Variants in LARGE1 observed in about 807,000 individuals in gnomAD.
LARGE1 encodes LARGE xylosyl- and glucuronyltransferase 1.
Under a neutral mutation model 87.6 loss-of-function variants are expected in LARGE1, and 43 were observed. That is an observed-to-expected ratio of 0.49 (90% CI 0.38 to 0.63). The LOEUF is 0.63. Ranked by LOEUF, LARGE1 falls within the 30% of genes least tolerant of loss-of-function variation. LARGE1 has a pLI of 0.00. For synonymous variants in LARGE1, 434 were observed against 394.6 expected (o/e 1.10, Z -1.18); for missense variants, 802 against 1,000.2 (o/e 0.80, Z 2.67).
At chr22:33,548,661 T>C (rs1972209) in intron 6 of LARGE1, among the ~76,000 whole-genome samples, 110,771 of 152,102 alleles carry the variant, frequency 0.73, 41,854 homozygotes, top group African/African-American at 0.94. Flanking sequence ...GTGATCCGCC[T>C]GTCTCAGCCT....
At chr22:33,578,813 T>C (rs1383148022) in intron 5 of LARGE1, among the ~76,000 whole-genome samples, 1 of 152,222 alleles carries the variant, frequency 6.6e-6, no homozygotes, top group African/African-American at 2.4e-5. Context: ...AAATTAATTG[T>C]ACTCAGAAAT....
chr22:33,626,392 A>T (rs757768862), intron 3 of LARGE1, 66 bp from the exon 4 acceptor site: 34 of 1,240,712 alleles, frequency 2.7e-5, no homozygotes, highest in Non-Finnish European at 3.7e-5. Context: ...GGTGCTTCAG[A>T]TCACACTAGA....
intron 1 of LARGE1, among the ~76,000 whole-genome samples, chr22:33,873,637 A>G (rs751043340): frequency 1.2e-4 from 18 of 152,060 alleles, no homozygotes; most frequent in Admixed American, 3.3e-4. Context: ...GGGTCCAACA[A>G]CGTGCCTCTG....
intron 1 of LARGE1, among the ~76,000 whole-genome samples, chr22:33,901,518 C>T (rs1278351258): frequency 6.6e-6 from 1 of 152,104 alleles, no homozygotes; most frequent in East Asian, 1.9e-4. Flanking sequence ...AGACAATCCC[C>T]TAATTAGTTG....
chr22:33,719,841 G>A (rs2083040045), intron 2 of LARGE1, among the ~76,000 whole-genome samples: 1 of 151,906 alleles, frequency 6.6e-6, no homozygotes, highest in African/African-American at 2.4e-5. Flanking sequence ...TATTTTTACT[G>A]TACCTTTTCC....
At chr22:33,804,133 AT>A (rs2086243047) in intron 1 of LARGE1, among the ~76,000 whole-genome samples, 1 of 152,212 alleles carries the variant, frequency 6.6e-6, no homozygotes, top group Non-Finnish European at 1.5e-5. Context: ...CCTGACTGCC[AT>A]CCTTAGAAAG....
At chr22:33,401,927 C>T (rs747841099) in intron 7 of LARGE1, among the ~76,000 whole-genome samples, 1 of 152,208 alleles carries the variant, frequency 6.6e-6, no homozygotes, top group African/African-American at 2.4e-5. Flanking sequence ...TGGCTAGTCC[C>T]TGGGTGCCCC....
At chr22:33,463,272 G>A (rs989736128) in intron 6 of LARGE1, among the ~76,000 whole-genome samples, 3 of 150,322 alleles carry the variant, frequency 2.0e-5, no homozygotes, top group Non-Finnish European at 4.4e-5. Flanking sequence ...ATAAAAAGAG[G>A]GAAGAAGACA....
intron 2 of LARGE1, among the ~76,000 whole-genome samples, chr22:33,716,519 C>A (rs2082911618): frequency 6.6e-6 from 1 of 152,200 alleles, no homozygotes; most frequent in Non-Finnish European, 1.5e-5. Flanking sequence ...CCTTCTACCT[C>A]CTGAGTAGCT....
At chr22:33,914,744 C>G (rs2065733756) in intron 1 of LARGE1, among the ~76,000 whole-genome samples, 5 of 152,146 alleles carry the variant, frequency 3.3e-5, no homozygotes, top group Admixed American at 3.3e-4. Context: ...CTAAAGAGTG[C>G]TCAGTGTAGA....
intron 2 of LARGE1, among the ~76,000 whole-genome samples, chr22:33,697,065 G>A (rs1284938970): frequency 6.6e-6 from 1 of 152,074 alleles, no homozygotes; most frequent in East Asian, 1.9e-4. Context: ...CCACCAAGCA[G>A]ACACACCTGC....
intron 6 of LARGE1, among the ~76,000 whole-genome samples, chr22:33,510,396 A>T (rs1054988756): frequency 3.3e-5 from 5 of 152,176 alleles, no homozygotes; most frequent in African/African-American, 9.7e-5. Flanking sequence ...ACCTCTAACA[A>T]TTGGCTTGTG....
intron 6 of LARGE1, among the ~76,000 whole-genome samples, chr22:33,540,063 G>A (rs2077150346): frequency 1.3e-5 from 2 of 152,062 alleles, no homozygotes; most frequent in African/African-American, 4.8e-5. Context: ...ACCCTGTGGA[G>A]GCCTGCAAAA....
chr22:33,880,710 T>G (rs6518841), intron 1 of LARGE1, among the ~76,000 whole-genome samples: 112,711 of 151,992 alleles, frequency 0.74, 42,155 homozygotes, highest in African/African-American at 0.85. Flanking sequence ...CATCTGAATC[T>G]TCAACTAGGT....
At chr22:33,894,367 C>T (rs917272519) in intron 1 of LARGE1, among the ~76,000 whole-genome samples, 1 of 152,142 alleles carries the variant, frequency 6.6e-6, no homozygotes, top group African/African-American at 2.4e-5. Context: ...GATTCTAGTA[C>T]ACATCCTAGG....
At position 33,667,526 on chromosome 22, in the gene LARGE1, C is replaced by A. The variant is rs191254607; in HGVS notation, c.107-16858G>T. On this transcript the variant is annotated intron_variant, in intron 2 of 14. Coordinates refer to ENST00000397394, the MANE Select transcript of LARGE1 (RefSeq NM_133642.5). ...CAGTGTCAGCTGTAGGCACTACAGC[C>A]TGATTGTAATGAGAAAGCCACTGGG... Among the ~76,000 whole-genome samples the A allele has an allele frequency of 5.3e-5, 8 of 152,246 alleles. No individual in the cohort carries two copies. In the East Asian group the frequency reaches 1.5e-3, roughly 29 times the overall value.
intron 1 of LARGE1, among the ~76,000 whole-genome samples, chr22:33,816,324 A>C (rs993019053): frequency 1.3e-5 from 2 of 151,836 alleles, no homozygotes; most frequent in Non-Finnish European, 2.9e-5. Flanking sequence ...GTAGCTTATA[A>C]ACAACAGGCA....
At chr22:33,582,505 A>G (rs1226610338) in intron 5 of LARGE1, among the ~76,000 whole-genome samples, 1 of 152,230 alleles carries the variant, frequency 6.6e-6, no homozygotes, top group African/African-American at 2.4e-5. Context: ...AGACTTATAC[A>G]TGAAAGAATA....
At chr22:33,873,656 T>A (rs886942318) in intron 1 of LARGE1, among the ~76,000 whole-genome samples, 2 of 152,118 alleles carry the variant, frequency 1.3e-5, no homozygotes, top group African/African-American at 4.8e-5. Context: ...TGTTTACCCA[T>A]CCAAAACACC....
Sources: allele counts gnomAD v4.1 joint callset (sites outside exome capture counted in the v4.1 genomes callset), GRCh38; gene constraint gnomAD v4.1.1; transcripts MANE v1.5; gene names NCBI Gene and HGNC (gene_info 2026-07-23, HGNC 2026-07-21).